Variants in ST3GAL1 observed in about 807,000 individuals in gnomAD.
ST3GAL1 encodes ST3 beta-galactoside alpha-2,3-sialyltransferase 1.
In ST3GAL1, 16 loss-of-function variants were observed where a neutral mutation model predicts 34.1. The ratio of observed to expected loss-of-function variants is 0.47; its 90% CI spans 0.32 to 0.71. The LOEUF (loss-of-function observed/expected upper bound fraction) is 0.71. ST3GAL1 is among the 30% of genes least tolerant of loss of function. ST3GAL1 has a pLI of 0.04. For synonymous variants in ST3GAL1, 191 were observed against 184.7 expected (o/e 1.03, Z -0.28); for missense variants, 353 against 447.4 (o/e 0.79, Z 1.90).
At chr8:133,497,058 G>A (rs1046752405) in intron 3 of ST3GAL1, among the ~76,000 whole-genome samples, 10 of 152,158 alleles carry the variant, frequency 6.6e-5, no homozygotes, top group African/African-American at 1.9e-4. Flanking sequence ...ACCTGAGCCC[G>A]CACACAGGGG....
intron 2 of ST3GAL1, among the ~76,000 whole-genome samples, chr8:133,501,555 C>T (rs1046826345): frequency 1.3e-5 from 2 of 151,720 alleles, no homozygotes; most frequent in Non-Finnish European, 2.9e-5. Flanking sequence ...CAAAGACCAG[C>T]TTGGCCAACA....
rs142416524 is a variant in ST3GAL1, at chr8:133,548,220, G to A, written c.-581-2294C>T. ...CCTAGCCAGTCTTAAAATAGCCATCGCCTCTAATGCCAACTCCCTCTCTTG... is the reference window on the plus strand; with the variant it reads ...CCTAGCCAGTCTTAAAATAGCCATCACCTCTAATGCCAACTCCCTCTCTTG... On this transcript the variant is annotated intron_variant, in intron 1 of 9. Transcript: ENST00000522652. Among the ~76,000 whole-genome samples, 836 of 152,236 alleles carry A rather than the reference G, an allele frequency of 5.5e-3. 6 individuals are homozygous for A. Among genetic ancestry groups the A allele is most frequent in the African/African-American group, 0.019 (785 of 41,536 alleles).
At position 133,491,521 on chromosome 8, in the gene ST3GAL1, C is replaced by T. The variant is rs541130307; in HGVS notation, c.-374+7614G>A. Among the ~76,000 whole-genome samples, 3 of 152,148 alleles carry T rather than the reference C, an allele frequency of 2.0e-5. No individual in the cohort carries two copies. The South Asian group carries it at 6.2e-4, about 32-fold the overall frequency. On this transcript the variant is annotated intron_variant, in intron 3 of 9. Coordinates refer to ENST00000522652, the MANE Select transcript of ST3GAL1 (RefSeq NM_173344.3). ...GCTGGAGGTGTGGCCGCTCTGGAGC[C>T]GAGATTCACAGTCTGACACGTGGCT...
At chr8:133,550,248 ATAT>A (rs1818801184) in intron 1 of ST3GAL1, among the ~76,000 whole-genome samples, 1 of 152,126 alleles carries the variant, frequency 6.6e-6, no homozygotes, top group Admixed American at 6.5e-5. Flanking sequence ...GCCTCTTTCT[ATAT>A]TGAGTCCCTA....
At chr8:133,478,764 G>A (rs1454692082) in intron 3 of ST3GAL1, among the ~76,000 whole-genome samples, 2 of 152,136 alleles carry the variant, frequency 1.3e-5, no homozygotes, top group Non-Finnish European at 2.9e-5. Context: ...GCTCCCTAGG[G>A]TCCTGGCTGC....
intron 2 of ST3GAL1, among the ~76,000 whole-genome samples, chr8:133,529,816 C>T (rs1818090886): frequency 6.6e-6 from 1 of 152,154 alleles, no homozygotes; most frequent in Admixed American, 6.5e-5. Flanking sequence ...TGAGGGCTGT[C>T]CCCCAGACAC....
intron 1 of ST3GAL1, among the ~76,000 whole-genome samples, chr8:133,551,532 GAAAGAGAAGGAAAGAAA>G: frequency 7.5e-6 from 1 of 132,578 alleles, no homozygotes; most frequent in Non-Finnish European, 1.6e-5. Context: ...GAAAGAGAAA[GAAAGAGAAGGAAAGAAA>G]GAAAGAAAGA....
Position 133,540,792 on chromosome 8 carries a change from T to G in ST3GAL1, c.-429+4982A>C, listed in dbSNP as rs4989771. On this transcript the variant is annotated intron_variant, in intron 2 of 9. Transcript: ENST00000522652. The stretch of plus-strand genomic sequence containing the variant: ...ATATATATAGAGACATATATATATA[T>G]AGACATATATATAGAGAGACATATA... Among the ~76,000 whole-genome samples, 396 of 96,844 alleles carry G rather than the reference T, an allele frequency of 4.1e-3. 8 individuals carry two copies. The highest frequency in any genetic ancestry group is 7.3e-3 in the African/African-American group (153 of 20,870). 63.5% of individuals were successfully genotyped at this position (96,844 alleles called of 152,430 possible).
intron 1 of ST3GAL1, among the ~76,000 whole-genome samples, chr8:133,562,646 G>A (rs1185859218): frequency 6.6e-6 from 1 of 152,154 alleles, no homozygotes; most frequent in Non-Finnish European, 1.5e-5. Flanking sequence ...TTGACCACTG[G>A]CAGTTCTTTG....
rs1185485849 is a variant in ST3GAL1, at chr8:133,467,095, GAA to G, written c.307-1007_307-1006del. Among the ~76,000 whole-genome samples, 24 of 119,950 alleles carry G rather than the reference GAA, an allele frequency of 2.0e-4. No homozygotes were observed. The highest frequency in any genetic ancestry group is 4.6e-4 in the African/African-American group (15 of 32,774). 78.7% of individuals were successfully genotyped at this position (119,950 alleles called of 152,430 possible). On this transcript the variant is annotated intron_variant, in intron 5 of 9. Transcript: ENST00000522652. This position sits in a 1 kb window ranked among gnomAD's most constrained non-coding sequence, Gnocchi z 4.2. ...GGGTGACAGAGCGAGACTCCAACTC[GAA>G]AAAAAAAAAAAAAAGACCTAGCTCG...
chr8:133,504,425 T>A (rs973686468), intron 2 of ST3GAL1, among the ~76,000 whole-genome samples: 2 of 152,236 alleles, frequency 1.3e-5, no homozygotes, highest in African/African-American at 4.8e-5. Flanking sequence ...CTTTGAGTCA[T>A]TTCAAAACAT....
At chr8:133,475,283 G>A (rs536443692) in intron 5 of ST3GAL1, among the ~76,000 whole-genome samples, 18 of 152,370 alleles carry the variant, frequency 1.2e-4, no homozygotes, top group Middle Eastern at 3.4e-3. Flanking sequence ...GCCTGGGGCG[G>A]CTTCCCCCTC....
intron 3 of ST3GAL1, among the ~76,000 whole-genome samples, chr8:133,479,478 A>G (rs1444657191): frequency 6.6e-6 from 1 of 152,066 alleles, no homozygotes; most frequent in African/African-American, 2.4e-5. Context: ...GTCTTACTAC[A>G]TTTGCCTTTA....
At chr8:133,536,352 A>T (rs1818310522) in intron 2 of ST3GAL1, among the ~76,000 whole-genome samples, 1 of 152,206 alleles carries the variant, frequency 6.6e-6, no homozygotes, top group Non-Finnish European at 1.5e-5. Context: ...AGGAACAAAG[A>T]TTATCTGTAA....
rs565366315 is a variant in ST3GAL1, at chr8:133,471,204, G to A, written c.306+4515C>T. On this transcript the variant is annotated intron_variant, in intron 5 of 9. Coordinates refer to ENST00000522652, the MANE Select transcript of ST3GAL1 (RefSeq NM_173344.3). ...TTTGGCATCCAAGCAGCAGACACAAGCATGCTAGGTAGTACAGGCTCAAGA... is the reference window on the plus strand; with the variant it reads ...TTTGGCATCCAAGCAGCAGACACAAACATGCTAGGTAGTACAGGCTCAAGA... Among the ~76,000 whole-genome samples the A allele has an allele frequency of 2.0e-5, 3 of 152,288 alleles. No individual in the cohort carries two copies. The South Asian group carries it at 6.2e-4, about 32-fold the overall frequency.
At chr8:133,526,209 G>A (rs544655244) in intron 2 of ST3GAL1, among the ~76,000 whole-genome samples, 87 of 152,296 alleles carry the variant, frequency 5.7e-4, no homozygotes, top group African/African-American at 2.0e-3. Flanking sequence ...AGCTGAGGAT[G>A]CCCACCTTTG....
At chr8:133,504,770 C>T (rs866485639) in intron 2 of ST3GAL1, among the ~76,000 whole-genome samples, 1 of 152,090 alleles carries the variant, frequency 6.6e-6, no homozygotes, top group Non-Finnish European at 1.5e-5. Context: ...GTCAGACTGG[C>T]AACTCTTCTG....
In ST3GAL1 at chr8:133,476,070, CCCT is replaced by C. The variant is rs778651196; in HGVS notation, c.-49_-47del. On this transcript the variant is annotated splice_region_variant and 5_prime_UTR_variant, in exon 5 of 10. Coordinates refer to ENST00000522652, the MANE Select transcript of ST3GAL1 (RefSeq NM_173344.3). ...CCTCCCACGATGGGTAGCAGGAACT[CCCT>C]CCTAAGAGAGGAGAAAAATGGAAGA... 2.0e-6 allele frequency: 3 copies of C among 1,521,022 alleles called. No individual in the cohort carries two copies. In the South Asian group the frequency reaches 3.9e-5, roughly 20 times the overall value. The allele number at this position is 1,521,022 out of a possible 1,614,324, so 94.2% of individuals were successfully genotyped here.
In ST3GAL1 at chr8:133,465,925, G is replaced by T; in HGVS notation, c.472C>A (p.Pro158Thr). Residue 158 changes from proline (P) to threonine (T), a missense_variant, in exon 6 of 10, where the codon CCT (proline) becomes ACT (threonine). Coordinates refer to ENST00000522652, the MANE Select transcript of ST3GAL1 (RefSeq NM_173344.3). ...ACAAAGTCGTGACTGTCTATCTCAG[G>T]CCCATAAGAAGACTCCCTCAGGTTG... ...SGNLRESSYG[P>T]EIDSHDFVLR... The T allele has an allele frequency of 6.2e-7, 1 of 1,614,108 alleles. No individual in the cohort carries two copies. Among genetic ancestry groups the T allele is most frequent in the Non-Finnish European group, 8.5e-7 (1 of 1,179,976 alleles).
Sources: allele counts gnomAD v4.1 joint callset (sites outside exome capture counted in the v4.1 genomes callset), GRCh38; gene constraint gnomAD v4.1.1; non-coding constraint Gnocchi (gnomAD v3.1); transcripts MANE v1.5; gene names NCBI Gene and HGNC (gene_info 2026-07-23, HGNC 2026-07-21).